The following MARCHF1 variants were observed in gnomAD, a reference collection of about 807,000 sequenced individuals.
MARCHF1 encodes the protein membrane associated ring-CH-type finger 1.
In MARCHF1, 40 loss-of-function variants were observed where a neutral mutation model predicts 54.2. That is an observed-to-expected ratio of 0.74 (90% CI 0.57 to 0.96). The LOEUF (loss-of-function observed/expected upper bound fraction) is 0.96, where lower values mean the gene tolerates loss of function less well. MARCHF1 is among the 40% of genes least tolerant of loss of function. The probability of loss-of-function intolerance (pLI) is 0.00; values close to 1 mark genes in which losing one functional copy is unlikely to be tolerated. For missense variants in MARCHF1, 586 were observed against 656.5 expected (o/e 0.89, Z 1.17); for synonymous variants, 236 against 236.3 (o/e 1.00, Z 0.01).
chr4:163,562,558 A>C (rs1739505614), intron 8 of MARCHF1, among the ~76,000 whole-genome samples: 1 of 151,798 alleles, frequency 6.6e-6, no homozygotes, highest in South Asian at 2.1e-4. Flanking sequence ...CTCAGTTCCC[A>C]GGCCTTCACC....
intron 5 of MARCHF1, among the ~76,000 whole-genome samples, chr4:163,684,257 GGCA>G (rs1744199349): frequency 6.6e-6 from 1 of 152,150 alleles, no homozygotes; most frequent in Non-Finnish European, 1.5e-5. Context: ...AAGAACATGT[GGCA>G]GGGATTGTAT....
chr4:164,345,076 T>C (rs113102383), intron 1 of MARCHF1, among the ~76,000 whole-genome samples: 73 of 152,116 alleles, frequency 4.8e-4, no homozygotes, highest in Non-Finnish European at 8.5e-4. Flanking sequence ...CTCTATACCA[T>C]TGTAGGATAA....
At chr4:164,290,128 A>G (rs189575529) in intron 1 of MARCHF1, among the ~76,000 whole-genome samples, 178 of 151,992 alleles carry the variant, frequency 1.2e-3, no homozygotes, top group South Asian at 0.01. Flanking sequence ...GTAGTTATTT[A>G]TCTTCATATC....
At chr4:163,826,795 C>T (rs1216515912) in intron 4 of MARCHF1, among the ~76,000 whole-genome samples, 1 of 151,992 alleles carries the variant, frequency 6.6e-6, no homozygotes, top group Non-Finnish European at 1.5e-5. Flanking sequence ...ATGCTCATCT[C>T]TGCATATTCA....
intron 1 of MARCHF1, among the ~76,000 whole-genome samples, chr4:164,249,634 G>GT (rs1304051575): frequency 1.3e-5 from 2 of 151,774 alleles, no homozygotes. Context: ...ATTTCAAGAA[G>GT]TTTTTTCTAC....
rs1327005165 is a variant in MARCHF1 at position 164,340,405 on chromosome 4, T to TTTTA, written c.-323+43464_-323+43465insTAAA. 2.6e-3 allele frequency among the ~76,000 whole-genome samples: 252 copies of TTTTA among 95,578 alleles called. 26 individuals carry two copies. The highest frequency in any genetic ancestry group is 4.8e-3 in the African/African-American group (133 of 27,864). 62.7% of individuals were successfully genotyped at this position (95,578 alleles called of 152,430 possible). A position where few individuals can be genotyped will look rare whatever the true frequency, so the allele number is the denominator to read the frequency against. Reference sequence around the variant, plus strand: ...ACAGCACATGCCACCAGGCCTTGATTTATATATAGATATATATATATATAT... The same window carrying TTTTA: ...ACAGCACATGCCACCAGGCCTTGATTTTTATATATATAGATATATATATATATAT... On this transcript the variant is annotated intron_variant, in intron 1 of 9. Coordinates refer to ENST00000514618, the MANE Select transcript of MARCHF1 (RefSeq NM_001394959.1).
chr4:163,707,421 C>CA (rs1011609960), intron 4 of MARCHF1, among the ~76,000 whole-genome samples: 1 of 151,410 alleles, frequency 6.6e-6, no homozygotes, highest in Non-Finnish European at 1.5e-5. Flanking sequence ...CAGAAATTCA[C>CA]AAAAAAAGGA....
intron 3 of MARCHF1, among the ~76,000 whole-genome samples, chr4:163,891,723 G>A (rs1245101900): frequency 6.6e-6 from 1 of 152,020 alleles, no homozygotes; most frequent in Non-Finnish European, 1.5e-5. Context: ...ATCATCTAAG[G>A]CTAACCCAAA....
At chr4:164,045,024 T>G (rs1010583404) in intron 2 of MARCHF1, among the ~76,000 whole-genome samples, 1 of 152,014 alleles carries the variant, frequency 6.6e-6, no homozygotes, top group Admixed American at 6.6e-5. Flanking sequence ...ACAATGAAAC[T>G]AATGTAGCTC....
intron 3 of MARCHF1, among the ~76,000 whole-genome samples, chr4:163,980,416 A>G (rs563614036): frequency 1.5e-4 from 22 of 148,104 alleles, no homozygotes; most frequent in African/African-American, 4.8e-4. Context: ...TAAAAACCCT[A>G]GAAGAAAACC....
At chr4:163,955,209 C>T (rs1251151889) in intron 3 of MARCHF1, among the ~76,000 whole-genome samples, 2 of 117,366 alleles carry the variant, frequency 1.7e-5, no homozygotes, top group Admixed American at 8.9e-5. Context: ...CCTTACTGAA[C>T]ATTAAAAAAA....
chr4:164,146,011 A>G (rs1453039790), intron 1 of MARCHF1, among the ~76,000 whole-genome samples: 1 of 56,674 alleles, frequency 1.8e-5, no homozygotes, highest in Non-Finnish European at 3.5e-5. Context: ...AATCACAAGC[A>G]TTCTTATACA....
intron 3 of MARCHF1, among the ~76,000 whole-genome samples, chr4:163,929,593 C>A (rs1346365627): frequency 1.3e-5 from 2 of 151,714 alleles, no homozygotes; most frequent in Non-Finnish European, 2.9e-5. Flanking sequence ...ACTGTGGCAC[C>A]TTCTAATGCT....
At chr4:164,092,117 C>T (rs993959312) in intron 2 of MARCHF1, among the ~76,000 whole-genome samples, 8 of 152,058 alleles carry the variant, frequency 5.3e-5, no homozygotes, top group East Asian at 1.9e-4. Flanking sequence ...TCTAACCTGC[C>T]TACAAGGACA....
At chr4:163,984,173 T>C (rs1392476934) in intron 3 of MARCHF1, among the ~76,000 whole-genome samples, 3 of 151,826 alleles carry the variant, frequency 2.0e-5, no homozygotes, top group Non-Finnish European at 4.4e-5. Context: ...TGAGCTATCA[T>C]TGGAAAGGCA....
chr4:163,840,351 C>T (rs1202296238), intron 4 of MARCHF1, among the ~76,000 whole-genome samples: 1 of 152,018 alleles, frequency 6.6e-6, no homozygotes, highest in Non-Finnish European at 1.5e-5. Flanking sequence ...TAGAAAAAGG[C>T]AGATGATTTG....
At position 163,758,932 on chromosome 4, in the gene MARCHF1, T is replaced by C. The variant is rs368519448; in HGVS notation, c.112-58069A>G. ...TTTGGAATAAGCAAATAAAAGGTTT[T>C]TAAATATTAGGAAAGGCTTCTTATT... is the stretch of plus-strand genomic sequence containing the variant. On this transcript the variant is annotated intron_variant, in intron 4 of 9. Transcript: ENST00000514618. Among the ~76,000 whole-genome samples, 12 of 152,324 alleles carry C rather than the reference T, an allele frequency of 7.9e-5. No individual in the cohort carries two copies. The East Asian group carries it at 1.7e-3, about 22-fold the overall frequency.
At chr4:163,899,763 TACACACACAC>T (rs70948674) in intron 3 of MARCHF1, among the ~76,000 whole-genome samples, 5 of 148,750 alleles carry the variant, frequency 3.4e-5, no homozygotes, top group East Asian at 4.0e-4. Context: ...TCTCACCCAC[TACACACACAC>T]ACACACACAC....
intron 4 of MARCHF1, 90 bp downstream of exon 4, chr4:163,853,931 A>T: frequency 8.9e-7 from 1 of 1,119,608 alleles, no homozygotes; most frequent in Admixed American, 2.8e-5. Flanking sequence ...AAACAACGAT[A>T]ACATTTACTT....
Sources: allele counts gnomAD v4.1 joint callset (sites outside exome capture counted in the v4.1 genomes callset), GRCh38; gene constraint gnomAD v4.1.1; transcripts MANE v1.5; gene names NCBI Gene and HGNC (gene_info 2026-07-23, HGNC 2026-07-21).